SGCZ: variants seen among roughly 807,000 people sequenced by gnomAD.
SGCZ encodes sarcoglycan zeta, also known as zeta-sarcoglycan.
Under a neutral mutation model 41.3 loss-of-function variants are expected in SGCZ, and 40 were observed. That is an observed-to-expected ratio of 0.97 (90% CI 0.75 to 1.26). The LOEUF is 1.26. Ranked by LOEUF, SGCZ falls within the 50% of genes most tolerant of loss-of-function variation. SGCZ has a pLI of 0.00. For synonymous variants in SGCZ, 206 were observed against 137.5 expected (o/e 1.50, Z -3.49); for missense variants, 552 against 369.8 (o/e 1.49, Z -4.04).
intron 3 of SGCZ, among the ~76,000 whole-genome samples, chr8:14,261,837 CT>C (rs1317843033): frequency 6.6e-6 from 1 of 152,058 alleles, no homozygotes; most frequent in Non-Finnish European, 1.5e-5. Flanking sequence ...ATATTAAAAA[CT>C]AACTGGGCAT....
At chr8:14,917,181 G>C (rs910660919) in intron 1 of SGCZ, among the ~76,000 whole-genome samples, 2 of 152,094 alleles carry the variant, frequency 1.3e-5, no homozygotes, top group Admixed American at 1.3e-4. Context: ...TAATTTGTCA[G>C]CTTTATAGGG....
intron 2 of SGCZ, among the ~76,000 whole-genome samples, chr8:14,435,823 T>C (rs547838092): frequency 3.9e-4 from 60 of 152,344 alleles, no homozygotes; most frequent in African/African-American, 1.4e-3. Context: ...ATCGTATTTA[T>C]TTAACAGGGC....
chr8:14,587,602 G>A (rs1316148772), intron 1 of SGCZ, among the ~76,000 whole-genome samples: 1 of 152,170 alleles, frequency 6.6e-6, no homozygotes, highest in East Asian at 1.9e-4. Context: ...CACAGTGACA[G>A]TCTTATTGCA....
At chr8:14,550,033 G>A (rs1803752613) in intron 2 of SGCZ, among the ~76,000 whole-genome samples, 1 of 151,966 alleles carries the variant, frequency 6.6e-6, no homozygotes, top group African/African-American at 2.4e-5. Context: ...CTTCCTTCTA[G>A]ACGCTAGAAC....
At chr8:14,155,498 C>T (rs1167183284) in intron 5 of SGCZ, among the ~76,000 whole-genome samples, 3 of 151,968 alleles carry the variant, frequency 2.0e-5, no homozygotes, top group Admixed American at 1.3e-4. Flanking sequence ...ATATCATTTT[C>T]TCCCGTTAGT....
intron 4 of SGCZ, among the ~76,000 whole-genome samples, chr8:14,198,499 C>T (rs1361183907): frequency 1.3e-5 from 2 of 151,950 alleles, no homozygotes; most frequent in African/African-American, 2.4e-5. Flanking sequence ...AGTATGCAAA[C>T]TTCTTTAATG....
chr8:14,697,569 T>A lies in SGCZ; in HGVS notation c.40-142643A>T, dbSNP rs1466072842. On this transcript the variant is annotated intron_variant, in intron 1 of 7. Transcript: ENST00000382080. Reference sequence around the variant, plus strand: ...ATTATCGGTTCTTTTGTGAATTCAATAATTAGCTCATGTCTTTCCTTTCAC... The same window carrying A: ...ATTATCGGTTCTTTTGTGAATTCAAAAATTAGCTCATGTCTTTCCTTTCAC... Among the ~76,000 whole-genome samples the A allele has an allele frequency of 3.3e-5, 5 of 152,170 alleles. No individual in the cohort carries two copies. In the South Asian group the frequency reaches 1.0e-3, roughly 32 times the overall value.
intron 4 of SGCZ, among the ~76,000 whole-genome samples, chr8:14,175,451 C>T (rs1305359920): frequency 6.6e-6 from 1 of 151,814 alleles, no homozygotes; most frequent in Non-Finnish European, 1.5e-5. Context: ...AAATAAAATG[C>T]CCATAAGTAA....
chr8:14,237,134 A>G (rs1034020180), intron 4 of SGCZ, among the ~76,000 whole-genome samples: 5 of 152,162 alleles, frequency 3.3e-5, no homozygotes, highest in Admixed American at 6.5e-5. Context: ...TATTTATTAT[A>G]ATTTAACATA....
At chr8:14,433,953 C>A (rs189137433) in intron 2 of SGCZ, among the ~76,000 whole-genome samples, 111 of 152,262 alleles carry the variant, frequency 7.3e-4, no homozygotes, top group African/African-American at 2.6e-3. Context: ...TATATTTTAC[C>A]ATGCAAAAGC....
In SGCZ at chr8:15,140,591, A is replaced by G. The variant is rs187738708; in HGVS notation, c.39+96994T>C. On this transcript the variant is annotated intron_variant, in intron 1 of 7. Coordinates refer to ENST00000382080, the MANE Select transcript of SGCZ (RefSeq NM_139167.4). ...ATAATAATACCAACAAAAACCAAAA[A>G]TGACCCATATTATTTACTTTTAATA... is the stretch of plus-strand genomic sequence containing the variant. 2.3e-3 allele frequency among the ~76,000 whole-genome samples: 353 copies of G among 152,294 alleles called. 2 individuals carry two copies. The highest frequency in any genetic ancestry group is 0.017 in the Middle Eastern group (5 of 294).
At chr8:15,171,010 G>C (rs148293475) in intron 1 of SGCZ, among the ~76,000 whole-genome samples, 1,870 of 152,214 alleles carry the variant, frequency 0.012, 114 homozygotes, top group Admixed American at 0.1. Flanking sequence ...ATAATATTTA[G>C]ACTAACAAAC....
intron 2 of SGCZ, among the ~76,000 whole-genome samples, chr8:14,359,805 T>C (rs1171461076): frequency 8.3e-6 from 1 of 120,072 alleles, no homozygotes; most frequent in Non-Finnish European, 1.7e-5. Flanking sequence ...TATTGCCTAA[T>C]ACAAAAAAAG....
At chr8:15,015,588 T>C (rs1451325921) in intron 1 of SGCZ, among the ~76,000 whole-genome samples, 3 of 146,598 alleles carry the variant, frequency 2.0e-5, no homozygotes, top group South Asian at 2.1e-4. Flanking sequence ...CCGGAGAGGC[T>C]GAGGCAGGAG....
intron 1 of SGCZ, among the ~76,000 whole-genome samples, chr8:14,949,274 A>T (rs1477457727): frequency 9.2e-5 from 14 of 152,184 alleles, no homozygotes; most frequent in Admixed American, 9.2e-4. Flanking sequence ...TCAAGGAAGA[A>T]GATACTGATA....
intron 1 of SGCZ, among the ~76,000 whole-genome samples, chr8:14,615,689 G>A (rs1227338114): frequency 2.0e-5 from 3 of 152,076 alleles, no homozygotes; most frequent in Non-Finnish European, 4.4e-5. Context: ...AAGTTTTGGG[G>A]AAATGTCCTT....
chr8:14,583,979 T>A (rs937941334), intron 1 of SGCZ, among the ~76,000 whole-genome samples: 1 of 152,118 alleles, frequency 6.6e-6, no homozygotes, highest in African/African-American at 2.4e-5. Flanking sequence ...AATATTGTGG[T>A]TTTGTTTTGT....
At chr8:15,143,379 G>A (rs1315014992) in intron 1 of SGCZ, among the ~76,000 whole-genome samples, 1 of 152,028 alleles carries the variant, frequency 6.6e-6, no homozygotes, top group Non-Finnish European at 1.5e-5. Flanking sequence ...GTACTCAAAA[G>A]CAGAATTATT....
chr8:14,763,027 T>C (rs1039497791), intron 1 of SGCZ, among the ~76,000 whole-genome samples: 8 of 152,218 alleles, frequency 5.3e-5, no homozygotes, highest in African/African-American at 1.4e-4. Flanking sequence ...TACATAAATA[T>C]CATACGTCCA....
Sources: allele counts gnomAD v4.1 joint callset (sites outside exome capture counted in the v4.1 genomes callset), GRCh38; gene constraint gnomAD v4.1.1; transcripts MANE v1.5; gene names NCBI Gene and HGNC (gene_info 2026-07-23, HGNC 2026-07-21).